Variants in NECTIN1 observed in about 807,000 individuals in gnomAD.
NECTIN1 encodes the protein nectin-1.
In NECTIN1, 23 loss-of-function variants were observed where a neutral mutation model predicts 48.0. The ratio of observed to expected loss-of-function variants is 0.48; its 90% confidence interval spans 0.34 to 0.68. The LOEUF (loss-of-function observed/expected upper bound fraction) is 0.68. NECTIN1 is among the 30% of genes least tolerant of loss of function. The probability of loss-of-function intolerance (pLI) is 0.01; values close to 1 mark genes in which losing one functional copy is unlikely to be tolerated. For missense variants in NECTIN1, 591 were observed against 709.9 expected (o/e 0.83, Z 1.90); for synonymous variants, 270 against 288.9 (o/e 0.93, Z 0.66).
exon 8 of NECTIN1, chr11:119,638,187 A>G: frequency 6.2e-7 from 1 of 1,614,034 alleles, no homozygotes. Flanking sequence ...GGCTGCAGGG[A>G]CAGCTTCTGC....
At chr11:119,708,715 A>C (rs1176799747) in intron 1 of NECTIN1, among the ~76,000 whole-genome samples, 2 of 152,156 alleles carry the variant, frequency 1.3e-5, no homozygotes, top group Non-Finnish European at 2.9e-5. Context: ...TTGTGAATAT[A>C]CTAAAGCCAC....
intron 6 of NECTIN1, chr11:119,639,814 C>G (rs373455164): frequency 5.6e-6 from 9 of 1,612,914 alleles, no homozygotes; most frequent in Non-Finnish European, 7.6e-6. Context: ...TCCCAGGGTG[C>G]TGGGGAGCAG....
chr11:119,675,328 C>T lies in NECTIN1; in HGVS notation c.852-18G>A, dbSNP rs770226250. ...CATTTAGCCTGTGGGAAGTGGGAGA[C>T]ACAGCGTAGGGTTATGACTCTCCAG... is the stretch of plus-strand genomic sequence containing the variant. On this transcript the variant is annotated intron_variant, in intron 4 of 5. Transcript: ENST00000264025. 8.1e-6 allele frequency: 13 copies of T among 1,614,114 alleles called. No individual in the cohort carries two copies. Among genetic ancestry groups the T allele is most frequent in the African/African-American group, 1.3e-5 (1 of 75,030 alleles).
intron 5 of NECTIN1, chr11:119,641,159 C>G (rs1356011537): frequency 6.6e-6 from 1 of 152,238 alleles, no homozygotes; most frequent in Non-Finnish European, 1.5e-5. Context: ...GGCCTGTCTG[C>G]AAAGGCTCTG....
intron 5 of NECTIN1, among the ~76,000 whole-genome samples, chr11:119,671,078 T>A (rs1335408155): frequency 6.6e-6 from 1 of 151,710 alleles, no homozygotes; most frequent in Non-Finnish European, 1.5e-5. Flanking sequence ...CATCAAAGAC[T>A]TTCGAGTGAG....
chr11:119,663,850 G>C lies in NECTIN1; in HGVS notation c.*897C>G. On this transcript the variant is annotated 3_prime_UTR_variant, in exon 6 of 6. Coordinates refer to ENST00000264025, the MANE Select transcript of NECTIN1 (RefSeq NM_002855.5). ...GCAGACCCCATTCTCAGCTTAAAGGGGGAATGAGGTGGAAATAGACGGGTG... is the reference window on the plus strand; with the variant it reads ...GCAGACCCCATTCTCAGCTTAAAGGCGGAATGAGGTGGAAATAGACGGGTG... 2 of 985,650 alleles carry C rather than the reference G, an allele frequency of 2.0e-6. No individual in the cohort carries two copies. Among genetic ancestry groups the C allele is most frequent in the Non-Finnish European group, 2.4e-6 (2 of 830,074 alleles). The allele number at this position is 985,650 out of a possible 1,614,324, so 61.1% of individuals were successfully genotyped here.
chr11:119,677,760 A>G lies in NECTIN1; in HGVS notation c.528T>C (p.Asn176=). Residue 176 remains asparagine, a synonymous_variant, in exon 3 of 6, where the codon AAT becomes AAC. Transcript: ENST00000264025. This position sits in a 1 kb window ranked among gnomAD's most constrained non-coding sequence, Gnocchi z 5.4. ...AGGATACCACACTGGGAGGCTTCCC[A>G]TTGGCTGAGGTGCAGGTGGCCACCA... is the stretch of plus-strand genomic sequence containing the variant. The part of the protein sequence containing the change: ...KVLVATCTSA[N]GKPPSVVSWE... The G allele has an allele frequency of 6.2e-7, 1 of 1,614,060 alleles. No individual in the cohort carries two copies. The highest frequency in any genetic ancestry group is 8.5e-7 in the Non-Finnish European group (1 of 1,180,010).
In NECTIN1 at chr11:119,727,129, C is replaced by G. The variant is rs1315440956; in HGVS notation, c.79+1346G>C. ...ACCACTTAGTGAGATTGGCGGGGCC[C>G]TCGTAGTGAGCTGGCTGGCAGCAGA... On this transcript the variant is annotated intron_variant, in intron 1 of 5. Coordinates refer to ENST00000264025, the MANE Select transcript of NECTIN1 (RefSeq NM_002855.5). This position sits in a 1 kb window ranked among gnomAD's most constrained non-coding sequence, Gnocchi z 4.1. Among the ~76,000 whole-genome samples the G allele has an allele frequency of 6.6e-6, 1 of 152,168 alleles. No individual in the cohort carries two copies.
chr11:119,716,048 C>T (rs777734904), intron 1 of NECTIN1, among the ~76,000 whole-genome samples: 27 of 152,184 alleles, frequency 1.8e-4, no homozygotes, highest in Non-Finnish European at 2.9e-4. Flanking sequence ...TGGCACTGGG[C>T]GCTTGGGGCA....
In NECTIN1 at chr11:119,663,854, A is replaced by G. The variant is rs956888885; in HGVS notation, c.*893T>C. ...ACCCCATTCTCAGCTTAAAGGGGGA[A>G]TGAGGTGGAAATAGACGGGTGGGCC... On this transcript the variant is annotated 3_prime_UTR_variant, in exon 6 of 6. Coordinates refer to ENST00000264025, the MANE Select transcript of NECTIN1 (RefSeq NM_002855.5). 1.0e-5 allele frequency: 10 copies of G among 985,660 alleles called. No homozygotes were observed. Among genetic ancestry groups the G allele is most frequent in the Non-Finnish European group, 1.2e-5 (10 of 830,114 alleles). 61.1% of individuals were successfully genotyped at this position (985,660 alleles called of 1,614,324 possible). A position where few individuals can be genotyped will look rare whatever the true frequency, so the allele number is the denominator to read the frequency against.
chr11:119,699,891 C>T (rs1410339087), intron 1 of NECTIN1, among the ~76,000 whole-genome samples: 1 of 152,188 alleles, frequency 6.6e-6, no homozygotes, highest in Non-Finnish European at 1.5e-5. Flanking sequence ...GAAGATGGGG[C>T]TGCTTTCCAG....
chr11:119,652,389 C>T (rs1814218362), intron 5 of NECTIN1, among the ~76,000 whole-genome samples: 1 of 152,112 alleles, frequency 6.6e-6, no homozygotes, highest in Non-Finnish European at 1.5e-5. Context: ...CCCATCCTGT[C>T]CCAGCCTCTC....
chr11:119,711,775 T>A (rs986364090), intron 1 of NECTIN1, among the ~76,000 whole-genome samples: 2 of 151,994 alleles, frequency 1.3e-5, no homozygotes, highest in African/African-American at 4.8e-5. Flanking sequence ...TGTAGAGCAG[T>A]CAGTGGAAAA....
chr11:119,653,821 A>G (rs1322322912), intron 5 of NECTIN1, among the ~76,000 whole-genome samples: 1 of 152,212 alleles, frequency 6.6e-6, no homozygotes. Flanking sequence ...CGTCGGTGGC[A>G]AGTATCCCTA....
At chr11:119,676,773 T>TG (rs1224650565) in intron 4 of NECTIN1, 3 of 389,426 alleles carry the variant, frequency 7.7e-6, no homozygotes, top group Non-Finnish European at 1.5e-5. Context: ...AAATAAATAC[T>TG]GGGGGGTTGG....
At chr11:119,655,093 T>C (rs1261635228) in intron 5 of NECTIN1, among the ~76,000 whole-genome samples, 2 of 151,678 alleles carry the variant, frequency 1.3e-5, no homozygotes, top group Non-Finnish European at 2.9e-5. Context: ...GTATTTTTAG[T>C]GGAGATGGGG....
At chr11:119,642,602 C>CATGT (rs1864343321) in intron 5 of NECTIN1, 2 of 153,646 alleles carry the variant, frequency 1.3e-5, no homozygotes, top group Admixed American at 6.5e-5. Context: ...CTATAAGGGC[C>CATGT]CTTTCATCAT....
In NECTIN1 at chr11:119,709,290, CA is replaced by C. The variant is rs551347292; in HGVS notation, c.79+19184del. Among the ~76,000 whole-genome samples the C allele has an allele frequency of 7.9e-4, 121 of 152,270 alleles. No homozygotes were observed. The highest frequency in any genetic ancestry group is 2.8e-3 in the African/African-American group (117 of 41,542). On this transcript the variant is annotated intron_variant, in intron 1 of 5. Transcript: ENST00000264025. This position sits in a 1 kb window ranked among gnomAD's most constrained non-coding sequence, Gnocchi z 4.1. ...TAAGAGACCCCCTCACTCATATCCC[CA>C]GTGTACCAGGGCCTGTCTCAGCCCC... is the stretch of plus-strand genomic sequence containing the variant.
downstream of NECTIN1, among the ~76,000 whole-genome samples, chr11:119,660,407 G>C (rs1212143711): frequency 6.6e-6 from 1 of 151,782 alleles, no homozygotes; most frequent in East Asian, 1.9e-4. Context: ...AAATGGGGGG[G>C]TACAGGAGGG....
Sources: allele counts gnomAD v4.1 joint callset (sites outside exome capture counted in the v4.1 genomes callset), GRCh38; gene constraint gnomAD v4.1.1; non-coding constraint Gnocchi (gnomAD v3.1); transcripts MANE v1.5; gene names NCBI Gene and HGNC (gene_info 2026-07-23, HGNC 2026-07-21).